Variants in RAPGEF4 observed in about 807,000 individuals in gnomAD.
The protein encoded by RAPGEF4 is RAP guanine-nucleotide-exchange factor (GEF) 4.
RAPGEF4 carries 66 observed loss-of-function variants against 147.9 expected under a neutral mutation model. The ratio of observed to expected loss-of-function variants is 0.45; its 90% CI spans 0.37 to 0.55. The LOEUF is 0.55. Ranked by LOEUF, RAPGEF4 falls within the 20% of genes least tolerant of loss-of-function variation. The probability of loss-of-function intolerance (pLI) is 0.00; values close to 1 mark genes in which losing one functional copy is unlikely to be tolerated. For synonymous variants in RAPGEF4, 419 were observed against 442.7 expected (o/e 0.95, Z 0.67); for missense variants, 1,071 against 1,257.3 (o/e 0.85, Z 2.24).
chr2:172,891,269 T>TCAC (rs1697881624), intron 4 of RAPGEF4, among the ~76,000 whole-genome samples: 1 of 152,226 alleles, frequency 6.6e-6, no homozygotes, highest in African/African-American at 2.4e-5. Flanking sequence ...TTTCTTCCCT[T>TCAC]CATGAGTTTC....
intron 4 of RAPGEF4, among the ~76,000 whole-genome samples, chr2:172,890,383 A>G (rs1697766967): frequency 6.6e-6 from 1 of 152,228 alleles, no homozygotes; most frequent in Non-Finnish European, 1.5e-5. Flanking sequence ...ATTGGGCTAC[A>G]TTACAGGAGA....
intron 14 of RAPGEF4, among the ~76,000 whole-genome samples, chr2:172,989,790 C>T (rs1228599771): frequency 6.6e-6 from 1 of 152,190 alleles, no homozygotes; most frequent in Admixed American, 6.5e-5. Flanking sequence ...ACCCACAGAG[C>T]AGGGTCCCTT....
intron 16 of RAPGEF4, among the ~76,000 whole-genome samples, chr2:172,997,789 T>G (rs2105780958): frequency 6.6e-6 from 1 of 152,310 alleles, no homozygotes; most frequent in African/African-American, 2.4e-5. Context: ...CAAAATCCAT[T>G]TCCATAATTG....
At chr2:172,985,232 T>C (rs1456463205) in intron 11 of RAPGEF4, among the ~76,000 whole-genome samples, 1 of 152,192 alleles carries the variant, frequency 6.6e-6, no homozygotes, top group African/African-American at 2.4e-5. Flanking sequence ...AGCTATTCTA[T>C]AAAAAGAGCT....
At chr2:172,938,128 A>G (rs1370326887) in intron 6 of RAPGEF4, among the ~76,000 whole-genome samples, 4 of 152,072 alleles carry the variant, frequency 2.6e-5, no homozygotes, top group African/African-American at 9.7e-5. Flanking sequence ...TGCTGTTGCT[A>G]CTAGGATATC....
intron 14 of RAPGEF4, 93 bp downstream of exon 14, chr2:172,988,932 C>A: frequency 7.2e-7 from 1 of 1,383,966 alleles, no homozygotes; most frequent in Non-Finnish European, 9.9e-7. Flanking sequence ...TTGAGTAGTC[C>A]TGTGATGAAT....
At chr2:172,988,305 T>A (rs754678373) in intron 13 of RAPGEF4, 33 bp downstream of exon 13, 3 of 1,587,372 alleles carry the variant, frequency 1.9e-6, no homozygotes, top group Middle Eastern at 1.8e-4. Flanking sequence ...GAAACTTTAT[T>A]ACGCTCCACT....
intron 1 of RAPGEF4, among the ~76,000 whole-genome samples, chr2:172,774,665 T>C (rs765860641): frequency 1.3e-5 from 2 of 152,236 alleles, no homozygotes; most frequent in Admixed American, 6.5e-5. Flanking sequence ...TCTGAACTTC[T>C]AGGAGTTTTT....
intron 6 of RAPGEF4, among the ~76,000 whole-genome samples, chr2:172,948,090 C>T (rs1438034989): frequency 6.6e-6 from 1 of 152,138 alleles, no homozygotes; most frequent in Non-Finnish European, 1.5e-5. Context: ...TGAGATTTAT[C>T]CACATTGTTG....
chr2:172,759,112 A>G, intron 1 of RAPGEF4, among the ~76,000 whole-genome samples: 1 of 152,228 alleles, frequency 6.6e-6, no homozygotes, highest in Non-Finnish European at 1.5e-5. Context: ...ATCAGGAAGA[A>G]GAAAGACCAA....
At chr2:172,852,055 G>A (rs529929866) in intron 4 of RAPGEF4, among the ~76,000 whole-genome samples, 6 of 152,152 alleles carry the variant, frequency 3.9e-5, no homozygotes, top group Non-Finnish European at 5.9e-5. Flanking sequence ...AATATTTATA[G>A]ATCACAACAA....
chr2:172,922,396 A>G, intron 6 of RAPGEF4, 96 bp downstream of exon 6: 1 of 1,144,394 alleles, frequency 8.7e-7, no homozygotes, highest in Middle Eastern at 1.9e-4. Flanking sequence ...CTTGACCCAC[A>G]TTCAACAGAG....
chr2:172,959,337 C>T (rs369041096), intron 6 of RAPGEF4, among the ~76,000 whole-genome samples: 4 of 152,302 alleles, frequency 2.6e-5, no homozygotes, highest in Admixed American at 6.5e-5. Context: ...TCTTCAAAGC[C>T]AGTTCTGACT....
intron 4 of RAPGEF4, among the ~76,000 whole-genome samples, chr2:172,898,839 C>T (rs1011734090): frequency 3.9e-5 from 6 of 152,094 alleles, no homozygotes; most frequent in African/African-American, 1.4e-4. Flanking sequence ...CTGTGTGCCA[C>T]GTGTTTAGGT....
chr2:173,001,147 C>T, intron 16 of RAPGEF4, 119 bp from the exon 17 acceptor site: 1 of 1,441,236 alleles, frequency 6.9e-7, no homozygotes, highest in Non-Finnish European at 9.2e-7. Flanking sequence ...GTAAAGTAAA[C>T]TCATGCCCCA....
chr2:172,976,570 C>A lies in RAPGEF4; in HGVS notation c.1005-6926C>A, dbSNP rs78837915. On this transcript the variant is annotated intron_variant, in intron 10 of 30. Coordinates refer to ENST00000397081, the MANE Select transcript of RAPGEF4 (RefSeq NM_007023.4). ...AAAAATAGAGCATTTATTTTAGAAA[C>A]CTCGAAGCTTGACCATGGCTTATGT... Among the ~76,000 whole-genome samples the A allele has an allele frequency of 9.3e-3, 1,414 of 152,242 alleles. 15 individuals are homozygous for A. Among genetic ancestry groups the A allele is most frequent in the Non-Finnish European group, 0.015 (1,026 of 68,024 alleles).
chr2:173,041,409 C>T (rs932972426), intron 29 of RAPGEF4, among the ~76,000 whole-genome samples: 9 of 152,092 alleles, frequency 5.9e-5, no homozygotes, highest in South Asian at 2.1e-4. Context: ...GATTTCCAAA[C>T]GGTATGCTTC....
At chr2:172,999,805 T>G (rs1415233919) in intron 16 of RAPGEF4, among the ~76,000 whole-genome samples, 1 of 152,224 alleles carries the variant, frequency 6.6e-6, no homozygotes, top group Non-Finnish European at 1.5e-5. Context: ...ACCAGTCACC[T>G]TCAGTCTCAT....
At chr2:172,822,611 C>T (rs1001028887) in intron 4 of RAPGEF4, among the ~76,000 whole-genome samples, 3 of 152,354 alleles carry the variant, frequency 2.0e-5, no homozygotes, top group South Asian at 2.1e-4. Flanking sequence ...GTGGGCCTGC[C>T]GGTAGGGTAC....
Sources: allele counts gnomAD v4.1 joint callset (sites outside exome capture counted in the v4.1 genomes callset), GRCh38; gene constraint gnomAD v4.1.1; transcripts MANE v1.5; gene names NCBI Gene and HGNC (gene_info 2026-07-23, HGNC 2026-07-21).